BMPER: variants seen among roughly 807,000 people sequenced by gnomAD.
BMPER encodes BMP binding endothelial regulator.
BMPER carries 45 observed loss-of-function variants against 87.3 expected under a neutral mutation model. The observed-to-expected ratio is 0.52, with a 90% CI of 0.41 to 0.66. BMPER has a LOEUF of 0.66. Among genes scored for constraint, BMPER ranks in the 30% least tolerant of loss-of-function variants. The pLI, the probability that BMPER is intolerant of heterozygous loss-of-function variation, is 0.00. For missense variants in BMPER, 784 were observed against 867.5 expected, an observed-to-expected ratio of 0.90 and a Z score of 1.21; for synonymous variants, 326 against 316.2, an observed-to-expected ratio of 1.03 and a Z score of -0.33.
intron 13 of BMPER, among the ~76,000 whole-genome samples, chr7:34,118,785 G>A (rs1275810985): frequency 1.3e-5 from 2 of 152,064 alleles, no homozygotes; most frequent in Non-Finnish European, 2.9e-5. Context: ...AACATGGATA[G>A]GCCTCATCCA....
intron 12 of BMPER, among the ~76,000 whole-genome samples, chr7:34,081,668 A>G (rs1163616356): frequency 6.6e-6 from 1 of 152,232 alleles, no homozygotes; most frequent in South Asian, 2.1e-4. Context: ...CACTTCATCA[A>G]CTTTACCTGA....
intron 13 of BMPER, among the ~76,000 whole-genome samples, chr7:34,103,507 G>A (rs1029295786): frequency 7.9e-5 from 12 of 152,208 alleles, no homozygotes; most frequent in African/African-American, 2.9e-4. Flanking sequence ...AGCTAAGTCC[G>A]AGAGAAGATT....
chr7:33,908,110 C>T (rs763579857), intron 2 of BMPER, among the ~76,000 whole-genome samples: 42 of 152,130 alleles, frequency 2.8e-4, no homozygotes, highest in Non-Finnish European at 1.3e-4. Context: ...TTGCTGTGTT[C>T]ATTGATGATC....
At chr7:33,919,134 T>A (rs1387936097) in intron 2 of BMPER, among the ~76,000 whole-genome samples, 5 of 152,112 alleles carry the variant, frequency 3.3e-5, no homozygotes, top group Non-Finnish European at 5.9e-5. Context: ...GCAAAAAAAA[T>A]TTTCTTAAAT....
At chr7:33,948,130 T>C (rs1784931315) in intron 3 of BMPER, among the ~76,000 whole-genome samples, 1 of 152,234 alleles carries the variant, frequency 6.6e-6, no homozygotes, top group Non-Finnish European at 1.5e-5. Context: ...CAACCTCTGC[T>C]TTCCTTTCTT....
At position 34,086,129 on chromosome 7, in the gene BMPER, A is replaced by G. The variant is rs747181114; in HGVS notation, c.1745+37A>G. On this transcript the variant is annotated intron_variant, in intron 13 of 14. Coordinates refer to ENST00000649409, the MANE Select transcript of BMPER (RefSeq NM_001365308.1). ...GTTCTGGGGAATGGTTTTGGGTTGC[A>G]GACCAATAATAGACTTGACCTTGGA... 2.5e-6 allele frequency: 4 copies of G among 1,598,274 alleles called. No individual in the cohort carries two copies. The Admixed American group carries it at 6.7e-5, about 27-fold the overall frequency.
chr7:34,082,328 G>GGTT (rs1261837561), intron 12 of BMPER, among the ~76,000 whole-genome samples: 3 of 116,442 alleles, frequency 2.6e-5, no homozygotes, highest in Non-Finnish European at 5.1e-5. Context: ...CAACTTATTA[G>GGTT]TTTTTTTTTT....
At chr7:34,047,534 C>T (rs1214751182) in intron 7 of BMPER, among the ~76,000 whole-genome samples, 2 of 152,122 alleles carry the variant, frequency 1.3e-5, no homozygotes, top group Non-Finnish European at 2.9e-5. Context: ...ACCTCAGCCT[C>T]CCAAAGTGCT....
chr7:34,080,107 AT>A (rs199714781), intron 12 of BMPER, among the ~76,000 whole-genome samples: 1 of 151,996 alleles, frequency 6.6e-6, no homozygotes, highest in African/African-American at 2.4e-5. Context: ...GGCATACTCT[AT>A]TTTTTTAAAG....
intron 13 of BMPER, among the ~76,000 whole-genome samples, chr7:34,097,843 G>A (rs1420334): frequency 0.98 from 148,868 of 152,270 alleles, 72,874 homozygotes; most frequent in East Asian, 1. Context: ...TTTCTTCTGT[G>A]CAATCAATTG....
chr7:33,948,953 G>GAGAA (rs2128612667), intron 3 of BMPER, among the ~76,000 whole-genome samples: 1 of 152,010 alleles, frequency 6.6e-6, no homozygotes, highest in African/African-American at 2.4e-5. Flanking sequence ...GAGAGAGAGA[G>GAGAA]AGAAATGAAC....
At chr7:34,094,376 G>A (rs971900485) in intron 13 of BMPER, among the ~76,000 whole-genome samples, 6 of 152,274 alleles carry the variant, frequency 3.9e-5, no homozygotes, top group Admixed American at 3.9e-4. Context: ...TGATGGGGTG[G>A]GCCTGGGGGT....
At chr7:34,031,165 GT>G (rs369625929) in intron 6 of BMPER, among the ~76,000 whole-genome samples, 5 of 151,830 alleles carry the variant, frequency 3.3e-5, no homozygotes, top group Admixed American at 1.3e-4. Flanking sequence ...CATCAGTGCT[GT>G]TTTTTTTCTT....
intron 2 of BMPER, among the ~76,000 whole-genome samples, chr7:33,927,856 AG>A (rs1285765919): frequency 1.3e-5 from 2 of 152,226 alleles, no homozygotes; most frequent in African/African-American, 4.8e-5. Flanking sequence ...AGAACTCACC[AG>A]AAAGGTATAA....
At chr7:33,949,014 A>C (rs1784956827) in intron 3 of BMPER, among the ~76,000 whole-genome samples, 1 of 152,202 alleles carries the variant, frequency 6.6e-6, no homozygotes, top group African/African-American at 2.4e-5. Flanking sequence ...AGGACTGATT[A>C]TAGTCTGGGT....
intron 13 of BMPER, among the ~76,000 whole-genome samples, chr7:34,127,396 T>C (rs1790433619): frequency 6.6e-6 from 1 of 152,198 alleles, no homozygotes; most frequent in Admixed American, 6.5e-5. Context: ...GCTGTGTGTT[T>C]AGTGATCAGT....
intron 6 of BMPER, among the ~76,000 whole-genome samples, chr7:34,031,909 TATATATATATATATATATACACAC>T (rs1161923610): frequency 1.4e-4 from 17 of 125,294 alleles, no homozygotes; most frequent in African/African-American, 5.3e-4. Context: ...TATATATATA[TATATATATATATATATATACACAC>T]ACACACACAC....
At chr7:34,112,375 A>G (rs1455574034) in intron 13 of BMPER, among the ~76,000 whole-genome samples, 2 of 151,676 alleles carry the variant, frequency 1.3e-5, no homozygotes, top group African/African-American at 4.8e-5. Context: ...GGGCGCCTGT[A>G]GTCCCAGCTA....
chr7:34,060,306 G>T (rs1457675575), intron 10 of BMPER, among the ~76,000 whole-genome samples: 3 of 151,812 alleles, frequency 2.0e-5, no homozygotes, highest in Non-Finnish European at 4.4e-5. Context: ...TGGCTTTAAG[G>T]TGGCTCTGCT....
Sources: allele counts gnomAD v4.1 joint callset (sites outside exome capture counted in the v4.1 genomes callset), GRCh38; gene constraint gnomAD v4.1.1; transcripts MANE v1.5; gene names NCBI Gene and HGNC (gene_info 2026-07-23, HGNC 2026-07-21).